MASTL: variants seen among roughly 807,000 people sequenced by gnomAD.
MASTL encodes microtubule associated serine/threonine kinase like.
A neutral mutation model predicts 82.5 loss-of-function variants in MASTL; 54 were observed. The observed-to-expected ratio is 0.65, with a 90% CI of 0.53 to 0.82. The LOEUF (loss-of-function observed/expected upper bound fraction) is 0.82, where lower values mean the gene tolerates loss of function less well. MASTL is among the 40% of genes least tolerant of loss of function. MASTL has a pLI of 0.00. For missense variants in MASTL, 950 were observed against 1,047.8 expected (o/e 0.91, Z 1.29); for synonymous variants, 323 against 368.9 (o/e 0.88, Z 1.43).
At chr10:27,169,716 A>G (rs905421472) in intron 7 of MASTL, among the ~76,000 whole-genome samples, 2 of 152,222 alleles carry the variant, frequency 1.3e-5, no homozygotes, top group African/African-American at 4.8e-5. Flanking sequence ...TAAGTATTAT[A>G]GAATAATTTA....
At chr10:27,180,900 C>CAAATATTTGATGAACAG in intron 9 of MASTL, 53 bp from the exon 10 acceptor site, 3 of 1,156,128 alleles carry the variant, frequency 2.6e-6, no homozygotes, top group Non-Finnish European at 3.9e-6. Context: ...TTCTGTTCAT[C>CAAATATTTGATGAACAG]AAATATTTGT....
At position 27,161,079 on chromosome 10, in the gene MASTL, CT is replaced by C; in HGVS notation, c.465-11del. 1 of 1,570,312 alleles carries C rather than the reference CT, an allele frequency of 6.4e-7. No homozygotes were observed. Among genetic ancestry groups the C allele is most frequent in the Non-Finnish European group, 8.8e-7 (1 of 1,140,368 alleles). On this transcript the variant is annotated splice_polypyrimidine_tract_variant and intron_variant, in intron 3 of 11. Transcript: ENST00000375940. ...CCTTTTTTGGTTATCTAATATTTGC[CT>C]TTTGTGTGTGCAGGGACTTGAAACC...
At chr10:27,174,906 C>T (rs564032458) in intron 9 of MASTL, among the ~76,000 whole-genome samples, 1 of 152,146 alleles carries the variant, frequency 6.6e-6, no homozygotes, top group South Asian at 2.1e-4. Context: ...ACAGTTCAAC[C>T]CATAACATCA....
chr10:27,161,988 G>A (rs1418272209), intron 4 of MASTL, among the ~76,000 whole-genome samples: 2 of 152,094 alleles, frequency 1.3e-5, no homozygotes, highest in African/African-American at 4.8e-5. Flanking sequence ...CTTTTCACTA[G>A]TAGTAATTAA....
At chr10:27,172,584 G>T (rs1395924224) in intron 8 of MASTL, among the ~76,000 whole-genome samples, 1 of 152,084 alleles carries the variant, frequency 6.6e-6, no homozygotes, top group Non-Finnish European at 1.5e-5. Context: ...AACCTGGGAG[G>T]CGGAGGTTGT....
rs911364487 is a variant in MASTL, at chr10:27,170,340, A to G, written c.1381A>G (p.Asn461Asp). The change falls in exon 8 of 12, where the codon AAT (asparagine) becomes GAT (aspartate). Residue 461 changes from asparagine (N) to aspartate (D), a missense_variant. By Grantham distance (23) the Asn-to-Asp change is conservative (BLOSUM62 1). Transcript: ENST00000375940. The stretch of plus-strand genomic sequence containing the variant: ...CAGTCCTTGTAAAAAAATTATACAG[A>G]ATAAAAAAACTTGTGTAGAGTATAA... ...DSSPCKKIIQ[N>D]KKTCVEYKHN... is the part of the protein sequence containing the mutation. The G allele has an allele frequency of 2.2e-5, 36 of 1,613,490 alleles. No homozygotes were observed. Among genetic ancestry groups the G allele is most frequent in the Non-Finnish European group, 3.1e-5 (36 of 1,179,772 alleles).
chr10:27,165,303 C>G, intron 5 of MASTL, 86 bp from the exon 6 acceptor site: 1 of 1,444,756 alleles, frequency 6.9e-7, no homozygotes, highest in South Asian at 1.1e-5. Context: ...AACAGTTTGT[C>G]TACTTAGGTG....
In MASTL at chr10:27,158,322, C is replaced by T. The variant is rs867264718; in HGVS notation, c.187-227C>T. Among the ~76,000 whole-genome samples, 29 of 152,060 alleles carry T rather than the reference C, an allele frequency of 1.9e-4. 1 individual carries two copies. Among genetic ancestry groups the T allele is most frequent in the Admixed American group, 1.6e-3 (24 of 15,282 alleles). ...GCTCATTTTGGGCCAGCCTGGGCAA[C>T]GTAGTGAGACCTTGTCTCTACAACA... On this transcript the variant is annotated intron_variant, in intron 1 of 11. Transcript: ENST00000375940.
rs1215881700 is a variant in MASTL, at chr10:27,181,037, A to C, written c.2351A>C (p.Gln784Pro). The C allele has an allele frequency of 8.7e-6, 14 of 1,608,118 alleles. No individual in the cohort carries two copies. The highest frequency in any genetic ancestry group is 1.2e-5 in the Non-Finnish European group (14 of 1,174,682). Residue 784 changes from glutamine (Q) to proline (P), a missense_variant, in exon 10 of 12, where the codon CAA becomes CCA. Coordinates refer to ENST00000375940, the MANE Select transcript of MASTL (RefSeq NM_001172303.3). ...CCCCCTTTCAATGATGAAACACCAC[A>C]ACAAGTATTCCAGAATATTCTGAAA... ...GIPPFNDETP[Q>P]QVFQNILKRD...
intron 11 of MASTL, among the ~76,000 whole-genome samples, chr10:27,184,331 G>A (rs2058507254): frequency 6.6e-6 from 1 of 152,124 alleles, no homozygotes; most frequent in Admixed American, 6.6e-5. Flanking sequence ...TAAAGTGAGG[G>A]AGCAGACATT....
At chr10:27,182,858 G>A (rs949773065) in intron 11 of MASTL, among the ~76,000 whole-genome samples, 16 of 151,488 alleles carry the variant, frequency 1.1e-4, no homozygotes, top group African/African-American at 3.9e-4. Flanking sequence ...ATGTTGCTTA[G>A]GCTGGTCTTG....
At chr10:27,185,185 T>C (rs984325723) in intron 11 of MASTL, among the ~76,000 whole-genome samples, 1 of 152,098 alleles carries the variant, frequency 6.6e-6, no homozygotes, top group Non-Finnish European at 1.5e-5. Flanking sequence ...TCTAGGGCAA[T>C]AGATACTGCT....
chr10:27,161,431 C>A (rs111706985), intron 4 of MASTL, among the ~76,000 whole-genome samples: 2 of 151,874 alleles, frequency 1.3e-5, no homozygotes, highest in African/African-American at 4.8e-5. Flanking sequence ...ATCACTTGAA[C>A]CCAGGAGATG....
intron 4 of MASTL, among the ~76,000 whole-genome samples, chr10:27,161,835 A>C (rs1159374608): frequency 1.3e-5 from 2 of 152,222 alleles, no homozygotes; most frequent in Non-Finnish European, 2.9e-5. Flanking sequence ...CAGTAAAATG[A>C]CCAGAATAAC....
At chr10:27,167,626 C>T (rs905507242) in intron 7 of MASTL, among the ~76,000 whole-genome samples, 1 of 152,048 alleles carries the variant, frequency 6.6e-6, no homozygotes, top group Admixed American at 6.6e-5. Context: ...TGTTTTTAAC[C>T]TATGTCATTT....
chr10:27,159,543 CTG>C lies in MASTL; in HGVS notation c.325-74_325-73del. 9.5e-7 allele frequency: 1 copy of C among 1,054,286 alleles called. No homozygotes were observed. Among genetic ancestry groups the C allele is most frequent in the Non-Finnish European group, 1.4e-6 (1 of 694,040 alleles). The allele number at this position is 1,054,286 out of a possible 1,614,324, so 65.3% of individuals were successfully genotyped here. ...TACAGAGCCATGCCAAATATTGTAA[CTG>C]TAATGCCCAAATACTAGATTTTTAA... On this transcript the variant is annotated intron_variant, in intron 2 of 11. Transcript: ENST00000375940. This position sits in a 1 kb window ranked among gnomAD's most constrained non-coding sequence, Gnocchi z 4.0.
chr10:27,170,247 T>C lies in MASTL; in HGVS notation c.1288T>C (p.Ser430Pro). Residue 430 changes from serine to proline, a missense_variant, in exon 8 of 12, where the codon TCT (serine) becomes CCT (proline). Ser to Pro is a moderately conservative substitution (Grantham distance 74). Coordinates refer to ENST00000375940, the MANE Select transcript of MASTL (RefSeq NM_001172303.3). ...TCAGTCAAATCAGTGGGCTGTGGAT[T>C]CTGGTGGGATATCTGAAGAGCACCT... ...FHQSNQWAVD[S>P]GGISEEHLGK... The C allele has an allele frequency of 2.5e-6, 4 of 1,614,144 alleles. No individual in the cohort carries two copies. Among genetic ancestry groups the C allele is most frequent in the Non-Finnish European group, 3.4e-6 (4 of 1,180,036 alleles).
intron 9 of MASTL, chr10:27,177,726 G>C (rs1471001342): frequency 2.9e-6 from 1 of 341,172 alleles, no homozygotes; most frequent in Non-Finnish European, 4.1e-6. Flanking sequence ...CTGGTGCCCA[G>C]TTCAGTGAAT....
chr10:27,182,315 T>C (rs1410834449), intron 11 of MASTL, among the ~76,000 whole-genome samples: 1 of 151,670 alleles, frequency 6.6e-6, no homozygotes, highest in Non-Finnish European at 1.5e-5. Context: ...GGTACAAAGA[T>C]AATTCGATTT....
Sources: gnomAD v4.1 joint callset for allele counts (sites outside exome capture counted in the v4.1 genomes callset) on GRCh38, gnomAD v4.1.1 for gene constraint, Gnocchi (gnomAD v3.1) non-coding constraint, MANE v1.5 for transcripts, NCBI Gene and HGNC (gene_info 2026-07-23, HGNC 2026-07-21) for gene names.